The following NFU1 variants were observed in gnomAD, a reference collection of about 807,000 sequenced individuals.
NFU1 encodes the protein NFU1 iron-sulfur cluster scaffold.
A neutral mutation model predicts 32.2 loss-of-function variants in NFU1; 30 were observed. The ratio of observed to expected loss-of-function variants is 0.93; its 90% confidence interval spans 0.70 to 1.26. NFU1 has a LOEUF of 1.26. NFU1 is among the 50% of genes most tolerant of loss of function. The probability of loss-of-function intolerance (pLI) is 0.00; values close to 1 mark genes in which losing one functional copy is unlikely to be tolerated. For missense variants in NFU1, 306 were observed against 306.6 expected (o/e 1.00, Z 0.02); for synonymous variants, 112 against 104.6 (o/e 1.07, Z -0.43).
intron 1 of NFU1, 151 bp downstream of exon 1, chr2:69,437,210 G>A: frequency 6.9e-7 from 1 of 1,455,878 alleles, no homozygotes; most frequent in South Asian, 1.4e-5. Context: ...ACAGCCTCAG[G>A]GCTCACCCCC....
rs763705011 is a variant in NFU1 at position 69,421,562 on chromosome 2, CTTTTTTTT to C, written c.303-1966_303-1959del. ...CATCCCAACAATTTTATCATTTGTGCTTTTTTTTTTTTTTTTTTTTTTTTTGAGACAGT... is the reference window on the plus strand; with the variant it reads ...CATCCCAACAATTTTATCATTTGTGCTTTTTTTTTTTTTTTTTGAGACAGT... On this transcript the variant is annotated intron_variant, in intron 3 of 7. Coordinates refer to ENST00000410022, the MANE Select transcript of NFU1 (RefSeq NM_001002755.4). Among the ~76,000 whole-genome samples, 390 of 70,774 alleles carry C rather than the reference CTTTTTTTT, an allele frequency of 5.5e-3. 2 individuals are homozygous for C. Among genetic ancestry groups the C allele is most frequent in the South Asian group, 0.01 (16 of 1,590 alleles). 46.4% of individuals were successfully genotyped at this position (70,774 alleles called of 152,430 possible).
chr2:69,416,400 ATT>A (rs1432324383), intron 4 of NFU1, among the ~76,000 whole-genome samples: 41 of 148,992 alleles, frequency 2.8e-4, no homozygotes, highest in African/African-American at 9.5e-4. Flanking sequence ...ATTCACTTTC[ATT>A]GTTTTAATTT....
chr2:69,428,617 G>C (rs985784283), intron 2 of NFU1, among the ~76,000 whole-genome samples: 2 of 152,148 alleles, frequency 1.3e-5, no homozygotes, highest in East Asian at 3.9e-4. Context: ...TTCAAAGCTG[G>C]ACAATTTTCT....
chr2:69,437,344 C>G lies in NFU1; in HGVS notation c.62+17G>C, dbSNP rs891934377. The G allele has an allele frequency of 2.6e-5, 42 of 1,603,870 alleles. No homozygotes were observed. The highest frequency in any genetic ancestry group is 1.6e-4 in the Middle Eastern group (1 of 6,062). The stretch of plus-strand genomic sequence containing the variant: ...CCCAGCGGCACACCTATTCGGAGCT[C>G]CAGGCTCGTCACCTACCGCCTGCGC... On this transcript the variant is annotated intron_variant, in intron 1 of 7. Transcript: ENST00000410022.
At chr2:69,415,955 C>A (rs966610407) in intron 4 of NFU1, among the ~76,000 whole-genome samples, 1 of 150,576 alleles carries the variant, frequency 6.6e-6, no homozygotes, top group African/African-American at 2.5e-5. Flanking sequence ...AGCGAGACTT[C>A]GTCTCTTTTT....
intron 3 of NFU1, among the ~76,000 whole-genome samples, chr2:69,422,662 T>C (rs1673284720): frequency 6.6e-6 from 1 of 152,156 alleles, no homozygotes; most frequent in Non-Finnish European, 1.5e-5. Context: ...ATGCTATAGA[T>C]CTCTCAAATA....
intron 1 of NFU1, 143 bp from the exon 2 acceptor site, chr2:69,432,148 C>T (rs879378605): frequency 1.5e-6 from 1 of 651,610 alleles, no homozygotes; most frequent in Non-Finnish European, 2.7e-6. Context: ...GACTTTTCAT[C>T]TTCCATCTAC....
chr2:69,416,329 TA>T (rs1484741973), intron 4 of NFU1: 2 of 147,372 alleles, frequency 1.4e-5, no homozygotes, highest in African/African-American at 5.0e-5. Flanking sequence ...TAATAAAAAT[TA>T]ATATTTAATT....
At chr2:69,404,867 A>C (rs1394018786) in intron 6 of NFU1, among the ~76,000 whole-genome samples, 1 of 151,224 alleles carries the variant, frequency 6.6e-6, no homozygotes, top group Non-Finnish European at 1.5e-5. Flanking sequence ...TGATCCACCT[A>C]CCTCCGCCTC....
upstream of NFU1, among the ~76,000 whole-genome samples, chr2:69,437,910 C>T (rs1673913857): frequency 6.6e-6 from 1 of 152,168 alleles, no homozygotes; most frequent in South Asian, 2.1e-4. Context: ...TGTGTCTAAC[C>T]CTTCCTCATA....
intron 5 of NFU1, among the ~76,000 whole-genome samples, chr2:69,412,588 T>C (rs1330041155): frequency 6.6e-6 from 1 of 152,038 alleles, no homozygotes; most frequent in East Asian, 1.9e-4. Context: ...GGTTTCACCA[T>C]GTTGGTCAGG....
At chr2:69,418,715 C>T (rs1364195259) in intron 4 of NFU1, among the ~76,000 whole-genome samples, 1 of 151,946 alleles carries the variant, frequency 6.6e-6, no homozygotes, top group East Asian at 2.0e-4. Context: ...ATGATCTGCC[C>T]ACCTCGGCCT....
chr2:69,405,260 G>C (rs1466748167), intron 6 of NFU1, among the ~76,000 whole-genome samples: 3 of 152,084 alleles, frequency 2.0e-5, no homozygotes, highest in Non-Finnish European at 4.4e-5. Context: ...AAAACTATAG[G>C]CTTACTTTTC....
chr2:69,437,339 G>T, intron 1 of NFU1, 22 bp downstream of exon 1: 1 of 1,602,078 alleles, frequency 6.2e-7, no homozygotes, highest in South Asian at 1.1e-5. Flanking sequence ...CACCTATTCG[G>T]AGCTCCAGGC....
chr2:69,402,613 C>A (rs1486586208), intron 6 of NFU1, among the ~76,000 whole-genome samples: 1 of 152,030 alleles, frequency 6.6e-6, no homozygotes, highest in African/African-American at 2.4e-5. Context: ...CGGAGTTTCG[C>A]TCTTGTTGCC....
At position 69,403,924 on chromosome 2, in the gene NFU1, C is replaced by T. The variant is rs542809675; in HGVS notation, c.545+2098G>A. ...TGCAATCTTGGGTCACTGCAAGCTCCGCCTCCCAGGTTCACGCCATTCTCC... is the reference window on the plus strand; with the variant it reads ...TGCAATCTTGGGTCACTGCAAGCTCTGCCTCCCAGGTTCACGCCATTCTCC... On this transcript the variant is annotated intron_variant, in intron 6 of 7. Coordinates refer to ENST00000410022, the MANE Select transcript of NFU1 (RefSeq NM_001002755.4). 1.7e-4 allele frequency among the ~76,000 whole-genome samples: 26 copies of T among 151,188 alleles called. No individual in the cohort carries two copies. In the East Asian group the frequency reaches 4.2e-3, roughly 25 times the overall value.
intron 5 of NFU1, chr2:69,410,723 CAT>C (rs1275046123): frequency 2.6e-5 from 4 of 152,160 alleles, no homozygotes; most frequent in Non-Finnish European, 5.9e-5. Flanking sequence ...CTAGAACTAA[CAT>C]GAGCTCATAC....
chr2:69,408,816 G>A (rs1672787995), intron 5 of NFU1, among the ~76,000 whole-genome samples: 1 of 143,032 alleles, frequency 7.0e-6, no homozygotes, highest in Non-Finnish European at 1.5e-5. Flanking sequence ...TTATATTTAT[G>A]AGATAAATTC....
chr2:69,423,168 ATGTG>A (rs148401517), intron 3 of NFU1, among the ~76,000 whole-genome samples: 1 of 108,728 alleles, frequency 9.2e-6, no homozygotes, highest in South Asian at 3.0e-4. Flanking sequence ...GTGTGTGTGT[ATGTG>A]TGTGTGTGTG....
Sources: gnomAD v4.1 joint callset for allele counts (sites outside exome capture counted in the v4.1 genomes callset) on GRCh38, gnomAD v4.1.1 for gene constraint, MANE v1.5 for transcripts, NCBI Gene and HGNC (gene_info 2026-07-23, HGNC 2026-07-21) for gene names.